The following KRTAP3-3 variants were observed in gnomAD, a reference collection of about 807,000 sequenced individuals.
The protein encoded by KRTAP3-3 is keratin-associated protein 3-3.
A neutral mutation model predicts 5.7 loss-of-function variants in KRTAP3-3; 8 were observed. That is an observed-to-expected ratio of 1.40 (90% confidence interval 0.82 to 2.52). KRTAP3-3 has a LOEUF of 2.52. Ranked by LOEUF, KRTAP3-3 falls within the 30% of genes most tolerant of loss-of-function variation. The pLI, the probability that KRTAP3-3 is intolerant of heterozygous loss-of-function variation, is 0.00. For synonymous variants in KRTAP3-3, 49 were observed against 47.0 expected, an observed-to-expected ratio of 1.04 and a Z score of -0.17; for missense variants, 98 against 121.5, an observed-to-expected ratio of 0.81 and a Z score of 0.91.
In KRTAP3-3 at chr17:40,994,058, C is replaced by A; in HGVS notation, c.40G>T (p.Gly14Trp). The A allele has an allele frequency of 1.2e-6, 2 of 1,614,114 alleles. No homozygotes were observed. Among genetic ancestry groups the A allele is most frequent in the Non-Finnish European group, 1.7e-6 (2 of 1,180,012 alleles). ...CASRGCSVPT[G>W]PATTICSSDK... is the part of the protein sequence containing the mutation. ...GAGGAGCAGATGGTGGTGGCAGGCC[C>A]GGTGGGGACACTGCAGCCTCGAGAG... Residue 14 changes from glycine (G) to tryptophan (W), a missense_variant, in exon 1 of 1, where the codon GGG (glycine) becomes TGG (tryptophan). Transcript: ENST00000391586.
Position 40,993,938 on chromosome 17 carries a change from G to C in KRTAP3-3, c.160C>G (p.Pro54Ala). The C allele has an allele frequency of 6.2e-7, 1 of 1,614,140 alleles. No individual in the cohort carries two copies. The highest frequency in any genetic ancestry group is 8.5e-7 in the Non-Finnish European group (1 of 1,180,014). Residue 54 changes from proline to alanine, a missense_variant, in exon 1 of 1, where the codon CCC becomes GCC. Coordinates refer to ENST00000391586, the MANE Select transcript of KRTAP3-3 (RefSeq NM_033185.3). ...EPTCCDNCPP[P>A]CHIPQPCVPT... Reference sequence around the variant, plus strand: ...ACGCAGGGCTGAGGAATGTGGCAGGGTGGGGGACAGTTGTCACAGCAGGTG... The same window carrying C: ...ACGCAGGGCTGAGGAATGTGGCAGGCTGGGGGACAGTTGTCACAGCAGGTG...
rs1312484875 is a variant in KRTAP3-3 at position 40,993,702 on chromosome 17, TA to T, written c.*98del. ...GTAGTACCATCCTTGTTCCAATTTCTAAAGCAGAGTACATTAGTTGTAGGTA... is the reference window on the plus strand; with the variant it reads ...GTAGTACCATCCTTGTTCCAATTTCTAAGCAGAGTACATTAGTTGTAGGTA... On this transcript the variant is annotated 3_prime_UTR_variant, in exon 1 of 1. Coordinates refer to ENST00000391586, the MANE Select transcript of KRTAP3-3 (RefSeq NM_033185.3). 32 of 1,503,698 alleles carry T rather than the reference TA, an allele frequency of 2.1e-5. No homozygotes were observed. Among genetic ancestry groups the T allele is most frequent in the Non-Finnish European group, 2.4e-5 (27 of 1,118,786 alleles). The allele number at this position is 1,503,698 out of a possible 1,614,324, so 93.1% of individuals were successfully genotyped here.
At position 40,993,949 on chromosome 17, in the gene KRTAP3-3, T is replaced by C; in HGVS notation, c.149A>G (p.Asn50Ser). ...VWLLEPTCCD[N>S]CPPPCHIPQP... Reference sequence around the variant, plus strand: ...AGGAATGTGGCAGGGTGGGGGACAGTTGTCACAGCAGGTGGGCTCCAGTAA... The same window carrying C: ...AGGAATGTGGCAGGGTGGGGGACAGCTGTCACAGCAGGTGGGCTCCAGTAA... Residue 50 changes from asparagine (N) to serine (S), a missense_variant, in exon 1 of 1, where the codon AAC (asparagine) becomes AGC (serine). By Grantham distance (46) the Asn-to-Ser change is conservative. Transcript: ENST00000391586. The C allele has an allele frequency of 6.2e-7, 1 of 1,613,944 alleles. No homozygotes were observed. Among genetic ancestry groups the C allele is most frequent in the South Asian group, 1.1e-5 (1 of 91,044 alleles).
At position 40,993,847 on chromosome 17, in the gene KRTAP3-3, G is replaced by A. The variant is rs765666614; in HGVS notation, c.251C>T (p.Thr84Ile). The A allele has an allele frequency of 2.5e-6, 4 of 1,614,248 alleles. No individual in the cohort carries two copies. The highest frequency in any genetic ancestry group is 3.4e-6 in the Non-Finnish European group (4 of 1,180,042). Reference sequence around the variant, plus strand: ...GGGCTCACAGCAGGGCTGAGTGAAGGTGGTGAGGTTGAGGGTCTCCAGGCC... The same window carrying A: ...GGGCTCACAGCAGGGCTGAGTGAAGATGGTGAGGTTGAGGGTCTCCAGGCC... ...TPGLETLNLTTFTQPCCEPCL... is the reference protein window; with the variant it reads ...TPGLETLNLTIFTQPCCEPCL... Residue 84 changes from threonine (T) to isoleucine (I), a missense_variant, in exon 1 of 1, where the codon ACC (threonine) becomes ATC (isoleucine). Coordinates refer to ENST00000391586, the MANE Select transcript of KRTAP3-3 (RefSeq NM_033185.3).
At position 40,993,749 on chromosome 17, in the gene KRTAP3-3, A is replaced by C; in HGVS notation, c.*52T>G. On this transcript the variant is annotated 3_prime_UTR_variant, in exon 1 of 1. Coordinates refer to ENST00000391586, the MANE Select transcript of KRTAP3-3 (RefSeq NM_033185.3). ...AGGTACTGAGATAGGTGAATGCTAA[A>C]GCTTCTATGTTGACTTTTTCAATCT... 1 of 1,592,322 alleles carries C rather than the reference A, an allele frequency of 6.3e-7. No homozygotes were observed. Among genetic ancestry groups the C allele is most frequent in the East Asian group, 2.2e-5 (1 of 44,570 alleles).
chr17:40,993,664 G>A lies in KRTAP3-3; in HGVS notation c.*137C>T, dbSNP rs1912754862. On this transcript the variant is annotated 3_prime_UTR_variant, in exon 1 of 1. Transcript: ENST00000391586. ...GTTTCTTGGTCTCTTTTTTTTTGCAGGGGGTGATTGTGGTAGTACCATCCT... is the reference window on the plus strand; with the variant it reads ...GTTTCTTGGTCTCTTTTTTTTTGCAAGGGGTGATTGTGGTAGTACCATCCT... 6 of 1,305,520 alleles carry A rather than the reference G, an allele frequency of 4.6e-6. No homozygotes were observed. The South Asian group carries it at 6.3e-5, about 14-fold the overall frequency. The allele number at this position is 1,305,520 out of a possible 1,614,324, so 80.9% of individuals were successfully genotyped here. A position where few individuals can be genotyped will look rare whatever the true frequency, so the allele number is the denominator to read the frequency against.
rs1291606457 is a variant in KRTAP3-3, at chr17:40,993,918, G to A, written c.180C>T (p.Pro60=). The change falls in exon 1 of 1, where the codon CCC becomes CCT. Residue 60 remains proline, a synonymous_variant. Transcript: ENST00000391586. The stretch of plus-strand genomic sequence containing the variant: ...TGAGCAGGAAGCAGGTGGGCACGCA[G>A]GGCTGAGGAATGTGGCAGGGTGGGG... The part of the protein sequence containing the change: ...NCPPPCHIPQ[P]CVPTCFLLNS... 1 of 1,613,970 alleles carries A rather than the reference G, an allele frequency of 6.2e-7. No individual in the cohort carries two copies. Among genetic ancestry groups the A allele is most frequent in the African/African-American group, 1.3e-5 (1 of 74,920 alleles).
rs368048780 is a variant in KRTAP3-3 at position 40,993,804 on chromosome 17, G to T, written c.294C>A (p.Cys98Ter). 4.3e-6 allele frequency: 7 copies of T among 1,613,660 alleles called. No individual in the cohort carries two copies. Among genetic ancestry groups the T allele is most frequent in the Non-Finnish European group, 5.9e-6 (7 of 1,179,682 alleles). Residue 98 changes from cysteine (C) to a stop codon, truncating the protein, a stop_gained, in exon 1 of 1, where the codon TGC (cysteine) becomes TGA (stop). Transcript: ENST00000391586. LOFTEE classifies it high-confidence loss of function. Reference sequence around the variant, plus strand: ...CACTGAGCAAAGTAGCCATCCATTAGCAGCCTCTTGGGAGGCAGGGCTCAC... The same window carrying T: ...CACTGAGCAAAGTAGCCATCCATTATCAGCCTCTTGGGAGGCAGGGCTCAC... The part of the protein sequence containing the change: ...PCCEPCLPRG[C>*]
rs1348074088 is a variant in KRTAP3-3 at position 40,993,849 on chromosome 17, G to A, written c.249C>T (p.Thr83=). Reference sequence around the variant, plus strand: ...GCTCACAGCAGGGCTGAGTGAAGGTGGTGAGGTTGAGGGTCTCCAGGCCTG... The same window carrying A: ...GCTCACAGCAGGGCTGAGTGAAGGTAGTGAGGTTGAGGGTCTCCAGGCCTG... ...PTPGLETLNL[T]TFTQPCCEPC... is the part of the protein sequence containing the mutation. The change falls in exon 1 of 1, where the codon ACC becomes ACT. Residue 83 remains threonine (T), a synonymous_variant. Transcript: ENST00000391586. 1 of 1,614,238 alleles carries A rather than the reference G, an allele frequency of 6.2e-7. No homozygotes were observed. Among genetic ancestry groups the A allele is most frequent in the Non-Finnish European group, 8.5e-7 (1 of 1,180,044 alleles).
At position 40,993,858 on chromosome 17, in the gene KRTAP3-3, G is replaced by C; in HGVS notation, c.240C>G (p.Leu80=). The change falls in exon 1 of 1, where the codon CTC becomes CTG. Residue 80 remains leucine, a synonymous_variant. Coordinates refer to ENST00000391586, the MANE Select transcript of KRTAP3-3 (RefSeq NM_033185.3). ...SCQPTPGLET[L]NLTTFTQPCC... ...AGGGCTGAGTGAAGGTGGTGAGGTT[G>C]AGGGTCTCCAGGCCTGGAGTTGGCT... 5 of 1,614,260 alleles carry C rather than the reference G, an allele frequency of 3.1e-6. No homozygotes were observed. The highest frequency in any genetic ancestry group is 4.2e-6 in the Non-Finnish European group (5 of 1,180,044).
Position 40,993,675 on chromosome 17 carries a change from T to G in KRTAP3-3, c.*126A>C. 1 of 1,385,270 alleles carries G rather than the reference T, an allele frequency of 7.2e-7. No homozygotes were observed. The highest frequency in any genetic ancestry group is 9.7e-7 in the Non-Finnish European group (1 of 1,028,702). The allele number at this position is 1,385,270 out of a possible 1,614,324, so 85.8% of individuals were successfully genotyped here. On this transcript the variant is annotated 3_prime_UTR_variant, in exon 1 of 1. Coordinates refer to ENST00000391586, the MANE Select transcript of KRTAP3-3 (RefSeq NM_033185.3). Reference sequence around the variant, plus strand: ...TCTTTTTTTTTGCAGGGGGTGATTGTGGTAGTACCATCCTTGTTCCAATTT... The same window carrying G: ...TCTTTTTTTTTGCAGGGGGTGATTGGGGTAGTACCATCCTTGTTCCAATTT...
rs1912763588 is a variant in KRTAP3-3, at chr17:40,993,883, T to C, written c.215A>G (p.Gln72Arg). 2 of 1,614,040 alleles carry C rather than the reference T, an allele frequency of 1.2e-6. No homozygotes were observed. The highest frequency in any genetic ancestry group is 1.3e-5 in the African/African-American group (1 of 75,048). The change falls in exon 1 of 1, where the codon CAG (glutamine) becomes CGG (arginine). Residue 72 changes from glutamine (Q) to arginine (R), a missense_variant. By Grantham distance (43) the Gln-to-Arg change is conservative. Coordinates refer to ENST00000391586, the MANE Select transcript of KRTAP3-3 (RefSeq NM_033185.3). Reference sequence around the variant, plus strand: ...GAGGGTCTCCAGGCCTGGAGTTGGCTGGCAGGAGTTGAGCAGGAAGCAGGT... The same window carrying C: ...GAGGGTCTCCAGGCCTGGAGTTGGCCGGCAGGAGTTGAGCAGGAAGCAGGT... Reference protein sequence around the residue: ...VPTCFLLNSCQPTPGLETLNL... With the variant: ...VPTCFLLNSCRPTPGLETLNL...
Position 40,993,852 on chromosome 17 carries a change from G to A in KRTAP3-3, c.246C>T (p.Leu82=), listed in dbSNP as rs777799781. The change falls in exon 1 of 1, where the codon CTC becomes CTT. Residue 82 remains leucine, a synonymous_variant. Transcript: ENST00000391586. ...QPTPGLETLN[L]TTFTQPCCEP... The stretch of plus-strand genomic sequence containing the variant: ...CACAGCAGGGCTGAGTGAAGGTGGT[G>A]AGGTTGAGGGTCTCCAGGCCTGGAG... The A allele has an allele frequency of 1.9e-6, 3 of 1,614,260 alleles. No homozygotes were observed. The East Asian group carries it at 6.7e-5, about 36-fold the overall frequency.
chr17:40,993,695 C>A lies in KRTAP3-3; in HGVS notation c.*106G>T. On this transcript the variant is annotated 3_prime_UTR_variant, in exon 1 of 1. Transcript: ENST00000391586. ...GATTGTGGTAGTACCATCCTTGTTC[C>A]AATTTCTAAAGCAGAGTACATTAGT... 1 of 1,486,038 alleles carries A rather than the reference C, an allele frequency of 6.7e-7. No homozygotes were observed. The highest frequency in any genetic ancestry group is 1.4e-5 in the South Asian group (1 of 73,370). The allele number at this position is 1,486,038 out of a possible 1,614,324, so 92.1% of individuals were successfully genotyped here.
rs1469204139 is a variant in KRTAP3-3, at chr17:40,993,557, T to C, written c.*244A>G. 1.7e-5 allele frequency: 9 copies of C among 540,654 alleles called. No homozygotes were observed. The highest frequency in any genetic ancestry group is 2.8e-5 in the Non-Finnish European group (9 of 316,390). The allele number at this position is 540,654 out of a possible 1,614,324, so 33.5% of individuals were successfully genotyped here. A position where few individuals can be genotyped will look rare whatever the true frequency, so the allele number is the denominator to read the frequency against. Reference sequence around the variant, plus strand: ...ACCCACAGAAAGAGACACTTTAATATGAAGGAATCGAACAGCTTCAGGAAG... The same window carrying C: ...ACCCACAGAAAGAGACACTTTAATACGAAGGAATCGAACAGCTTCAGGAAG... On this transcript the variant is annotated 3_prime_UTR_variant, in exon 1 of 1. Transcript: ENST00000391586.
Position 40,993,970 on chromosome 17 carries a change from A to G in KRTAP3-3, c.128T>C (p.Leu43Pro), listed in dbSNP as rs186134206. 2.5e-6 allele frequency: 4 copies of G among 1,614,084 alleles called. No homozygotes were observed. Among genetic ancestry groups the G allele is most frequent in the Admixed American group, 1.7e-5 (1 of 60,004 alleles). The stretch of plus-strand genomic sequence containing the variant: ...ACAGTTGTCACAGCAGGTGGGCTCC[A>G]GTAACCAAACTGTGTGTGGGCAGGT... Reference protein sequence around the residue: ...PSTCPHTVWLLEPTCCDNCPP... With the variant: ...PSTCPHTVWLPEPTCCDNCPP... The change falls in exon 1 of 1, where the codon CTG becomes CCG. Residue 43 changes from leucine (L) to proline (P), a missense_variant. By Grantham distance (98) the Leu-to-Pro change is moderately conservative. Transcript: ENST00000391586.
Position 40,993,482 on chromosome 17 carries a change from T to G in KRTAP3-3, c.*319A>C. ...ATTAGGATAATCATGAAGAACTTCC[T>G]TAATTTTCAGAAAGATACCACCCAA... On this transcript the variant is annotated 3_prime_UTR_variant, in exon 1 of 1. Coordinates refer to ENST00000391586, the MANE Select transcript of KRTAP3-3 (RefSeq NM_033185.3). The G allele has an allele frequency of 2.8e-6, 1 of 361,470 alleles. No homozygotes were observed. Among genetic ancestry groups the G allele is most frequent in the Non-Finnish European group, 5.0e-6 (1 of 200,920 alleles). The allele number at this position is 361,470 out of a possible 1,614,324, so 22.4% of individuals were successfully genotyped here.
chr17:40,994,087 C>T lies in KRTAP3-3; in HGVS notation c.11G>A (p.Cys4Tyr). 1 of 1,614,074 alleles carries T rather than the reference C, an allele frequency of 6.2e-7. No individual in the cohort carries two copies. Among genetic ancestry groups the T allele is most frequent in the Non-Finnish European group, 8.5e-7 (1 of 1,179,996 alleles). The change falls in exon 1 of 1, where the codon TGT becomes TAT. Residue 4 changes from cysteine to tyrosine, a missense_variant. Cys to Tyr is a radical substitution (Grantham distance 194). Coordinates refer to ENST00000391586, the MANE Select transcript of KRTAP3-3 (RefSeq NM_033185.3). ...GGGGACACTGCAGCCTCGAGAGGCA[C>T]AGCAATCCATGGCTATTAGAGTCTG... Reference protein sequence around the residue: MDCCASRGCSVPTG... With the variant: MDCYASRGCSVPTG...
chr17:40,993,685 A>G lies in KRTAP3-3; in HGVS notation c.*116T>C. 6.9e-7 allele frequency: 1 copy of G among 1,447,840 alleles called. No homozygotes were observed. The highest frequency in any genetic ancestry group is 9.3e-7 in the Non-Finnish European group (1 of 1,078,906). The allele number at this position is 1,447,840 out of a possible 1,614,324, so 89.7% of individuals were successfully genotyped here. A position where few individuals can be genotyped will look rare whatever the true frequency, so the allele number is the denominator to read the frequency against. On this transcript the variant is annotated 3_prime_UTR_variant, in exon 1 of 1. Transcript: ENST00000391586. The stretch of plus-strand genomic sequence containing the variant: ...TGCAGGGGGTGATTGTGGTAGTACC[A>G]TCCTTGTTCCAATTTCTAAAGCAGA...
Sources: gnomAD v4.1 joint callset for allele counts on GRCh38, gnomAD v4.1.1 for gene constraint, MANE v1.5 for transcripts, NCBI Gene and HGNC (gene_info 2026-07-23, HGNC 2026-07-21) for gene names.